DEPDC1B: variants seen among roughly 807,000 people sequenced by gnomAD.
DEPDC1B encodes the protein DEP domain-containing protein 1B.
Under a neutral mutation model 66.5 loss-of-function variants are expected in DEPDC1B, and 51 were observed. That is an observed-to-expected ratio of 0.77 (90% CI 0.61 to 0.97). The LOEUF is 0.97. Among genes scored for constraint, DEPDC1B ranks in the 50% least tolerant of loss-of-function variants. DEPDC1B has a pLI of 0.00. For missense variants in DEPDC1B, 552 were observed against 637.1 expected (o/e 0.87, Z 1.44); for synonymous variants, 226 against 223.6 (o/e 1.01, Z -0.10).
At chr5:60,649,990 T>C (rs886798112) in intron 2 of DEPDC1B, among the ~76,000 whole-genome samples, 12 of 151,888 alleles carry the variant, frequency 7.9e-5, no homozygotes, top group Non-Finnish European at 1.6e-4. Flanking sequence ...TTTTCCCCCA[T>C]GAAGATACAT....
In DEPDC1B at chr5:60,645,549, C is replaced by T. The variant is rs374381184; in HGVS notation, c.521G>A (p.Arg174His). The T allele has an allele frequency of 5.1e-5, 82 of 1,612,574 alleles. 1 individual carries two copies. The highest frequency in any genetic ancestry group is 9.9e-5 in the South Asian group (9 of 90,976). ...GEVPACRLVHRRQLTEANVEE... is the reference protein window; with the variant it reads ...GEVPACRLVHHRQLTEANVEE... ...TACATTGGCCTCTGTCAGCTGTCTG[C>T]GGTGGACAAGACGGCAAGCTGGCAC... The change falls in exon 4 of 11, where the codon CGC becomes CAC. Residue 174 changes from arginine (R) to histidine (H), a missense_variant. Arg to His is a conservative substitution (Grantham distance 29). Transcript: ENST00000265036.
chr5:60,641,191 C>A (rs937200735), intron 6 of DEPDC1B, among the ~76,000 whole-genome samples: 1 of 152,040 alleles, frequency 6.6e-6, no homozygotes, highest in Non-Finnish European at 1.5e-5. Flanking sequence ...TTTTGGCTTT[C>A]GGTGCACATG....
rs1584103812 is a variant in DEPDC1B, at chr5:60,687,096, A to G, written c.180T>C (p.Ser60=). ...GGGTCACTTCAGGGCCGAAGTTTTGACTGCACCTCAGCAGCTCATGCAGCC... is the reference window on the plus strand; with the variant it reads ...GGGTCACTTCAGGGCCGAAGTTTTGGCTGCACCTCAGCAGCTCATGCAGCC... The part of the protein sequence containing the change: ...VDWLHELLRC[S]QNFGPEVTRK... The change falls in exon 2 of 11, where the codon AGT becomes AGC. Residue 60 remains serine (S), a synonymous_variant. Coordinates refer to ENST00000265036, the MANE Select transcript of DEPDC1B (RefSeq NM_018369.3). 1.9e-6 allele frequency: 3 copies of G among 1,614,130 alleles called. No individual in the cohort carries two copies. The highest frequency in any genetic ancestry group is 1.7e-6 in the Non-Finnish European group (2 of 1,180,028).
chr5:60,635,917 T>C (rs1475631247), intron 7 of DEPDC1B, among the ~76,000 whole-genome samples: 1 of 152,232 alleles, frequency 6.6e-6, no homozygotes, highest in Non-Finnish European at 1.5e-5. Context: ...ATATTTGGCC[T>C]ACAGATGAAC....
Position 60,597,567 on chromosome 5 carries a change from C to A in DEPDC1B, c.*186G>T. 1.7e-6 allele frequency: 1 copy of A among 578,218 alleles called. No homozygotes were observed. Among genetic ancestry groups the A allele is most frequent in the Non-Finnish European group, 2.9e-6 (1 of 350,392 alleles). The allele number at this position is 578,218 out of a possible 1,614,324, so 35.8% of individuals were successfully genotyped here. A position where few individuals can be genotyped will look rare whatever the true frequency, so the allele number is the denominator to read the frequency against. ...TTTAACCAATTTATACACTTTAAAA[C>A]TAGCATTGAGTTTTATAAAAATACT... On this transcript the variant is annotated 3_prime_UTR_variant, in exon 11 of 11. Transcript: ENST00000265036.
chr5:60,642,698 C>A, intron 6 of DEPDC1B, 114 bp downstream of exon 6: 1 of 698,480 alleles, frequency 1.4e-6, no homozygotes, highest in Non-Finnish European at 2.4e-6. Flanking sequence ...AAATAATTAA[C>A]TGCCAGTCTC....
chr5:60,683,281 A>C (rs1449886069), intron 2 of DEPDC1B, among the ~76,000 whole-genome samples: 2 of 152,018 alleles, frequency 1.3e-5, no homozygotes, highest in Non-Finnish European at 2.9e-5. Flanking sequence ...TTTTTTAAAA[A>C]AATTAGCTGA....
chr5:60,605,567 C>T, intron 8 of DEPDC1B, 123 bp downstream of exon 8: 1 of 1,033,140 alleles, frequency 9.7e-7, no homozygotes, highest in African/African-American at 1.6e-5. Context: ...TCTGGGTGGA[C>T]ACTGACTGTG....
rs1554055062 is a variant in DEPDC1B, at chr5:60,668,246, T to A, written c.314+18716A>T. ...AAAATGGATATTTTATATATATATA[T>A]AAAATGGATATTATATATATATATA... On this transcript the variant is annotated intron_variant, in intron 2 of 10. Coordinates refer to ENST00000265036, the MANE Select transcript of DEPDC1B (RefSeq NM_018369.3). 4.6e-4 allele frequency among the ~76,000 whole-genome samples: 50 copies of A among 107,648 alleles called. 1 individual carries two copies. Among genetic ancestry groups the A allele is most frequent in the South Asian group, 8.1e-4 (3 of 3,724 alleles). The allele number at this position is 107,648 out of a possible 152,430, so 70.6% of individuals were successfully genotyped here. A position where few individuals can be genotyped will look rare whatever the true frequency, so the allele number is the denominator to read the frequency against.
At chr5:60,687,528 A>G (rs1016403213) in intron 1 of DEPDC1B, among the ~76,000 whole-genome samples, 2 of 151,730 alleles carry the variant, frequency 1.3e-5, no homozygotes, top group African/African-American at 2.4e-5. Context: ...AACAAAAATA[A>G]AAACTTTTTT....
chr5:60,619,494 AACAG>A (rs1485042998), intron 7 of DEPDC1B, among the ~76,000 whole-genome samples: 3 of 152,218 alleles, frequency 2.0e-5, no homozygotes, highest in Admixed American at 6.5e-5. Context: ...ATACACCAAT[AACAG>A]ACAAACAGAG....
intron 7 of DEPDC1B, among the ~76,000 whole-genome samples, chr5:60,608,348 C>T (rs1469950752): frequency 6.6e-6 from 1 of 151,814 alleles, no homozygotes; most frequent in East Asian, 1.9e-4. Flanking sequence ...TAACCGAAAG[C>T]ATAATGCATT....
chr5:60,656,659 G>T (rs187865590), intron 2 of DEPDC1B, among the ~76,000 whole-genome samples: 357 of 152,310 alleles, frequency 2.3e-3, no homozygotes, highest in South Asian at 4.1e-3. Context: ...GGCAGAAGGG[G>T]AAGCAAACGT....
At chr5:60,670,839 G>T (rs1362674755) in intron 2 of DEPDC1B, among the ~76,000 whole-genome samples, 1 of 152,164 alleles carries the variant, frequency 6.6e-6, no homozygotes, top group Non-Finnish European at 1.5e-5. Flanking sequence ...ACATAGTAAG[G>T]GTAATTCGGA....
chr5:60,599,296 A>G (rs1419758847), intron 9 of DEPDC1B, 36 bp from the exon 10 acceptor site: 19 of 1,459,294 alleles, frequency 1.3e-5, no homozygotes, highest in Non-Finnish European at 1.7e-5. Context: ...AGAATATAGC[A>G]TATTTTCAAA....
chr5:60,674,583 T>C (rs1315595157), intron 2 of DEPDC1B, among the ~76,000 whole-genome samples: 1 of 152,202 alleles, frequency 6.6e-6, no homozygotes, highest in African/African-American at 2.4e-5. Flanking sequence ...ATATGTGTGA[T>C]TGCTACAGAT....
intron 7 of DEPDC1B, among the ~76,000 whole-genome samples, chr5:60,609,564 T>G (rs927840663): frequency 3.9e-5 from 6 of 152,152 alleles, no homozygotes; most frequent in Non-Finnish European, 8.8e-5. Flanking sequence ...CATGAAAGGA[T>G]GAGGTTCCTG....
chr5:60,696,810 C>G (rs1754665961), intron 1 of DEPDC1B, among the ~76,000 whole-genome samples: 2 of 152,122 alleles, frequency 1.3e-5, no homozygotes, highest in Admixed American at 6.5e-5. Flanking sequence ...CATACACCTA[C>G]TGCTGTGCAT....
At chr5:60,625,727 T>G (rs749157940) in intron 7 of DEPDC1B, among the ~76,000 whole-genome samples, 12 of 152,198 alleles carry the variant, frequency 7.9e-5, no homozygotes, top group Non-Finnish European at 1.6e-4. Context: ...TCCAATTACA[T>G]GTATATTAGA....
Sources: gnomAD v4.1 joint callset for allele counts (sites outside exome capture counted in the v4.1 genomes callset) on GRCh38, gnomAD v4.1.1 for gene constraint, MANE v1.5 for transcripts, NCBI Gene and HGNC (gene_info 2026-07-23, HGNC 2026-07-21) for gene names.